Variants in LOC128092252 observed in about 807,000 individuals in gnomAD.
chr15:50,666,618 A>G, the LOC128092252 span, among the ~76,000 whole-genome samples: 1 of 152,182 alleles, frequency 6.6e-6, no homozygotes, highest in African/African-American at 2.4e-5. Context: ...AGCCTGACCA[A>G]CATGGAGAAA....
chr15:50,651,865 C>T, the LOC128092252 span, among the ~76,000 whole-genome samples: 168 of 151,492 alleles, frequency 1.1e-3, 1 homozygote, highest in African/African-American at 3.9e-3. Flanking sequence ...TCCAGCCTGG[C>T]GACGGAGCAA....
chr15:50,680,501 G>A, the LOC128092252 span, among the ~76,000 whole-genome samples: 50 of 151,496 alleles, frequency 3.3e-4, 1 homozygote, highest in South Asian at 2.1e-3. Flanking sequence ...CCCGGGAGGC[G>A]GAGTCTGCAA....
At chr15:50,672,188 G>C in the LOC128092252 span, among the ~76,000 whole-genome samples, 2 of 151,874 alleles carry the variant, frequency 1.3e-5, no homozygotes, top group Non-Finnish European at 2.9e-5. Context: ...TGAGCAGCTG[G>C]GACTACAGGC....
chr15:50,655,039 G>A, the LOC128092252 span, among the ~76,000 whole-genome samples: 3 of 137,572 alleles, frequency 2.2e-5, no homozygotes, highest in African/African-American at 7.9e-5. Context: ...TCACTGGATG[G>A]ACAAAACAGC....
At chr15:50,658,734 A>C in the LOC128092252 span, among the ~76,000 whole-genome samples, 15 of 152,364 alleles carry the variant, frequency 9.8e-5, no homozygotes, top group East Asian at 2.7e-3. Context: ...CTAAAAGCAT[A>C]GGCTAAAACA....
chr15:50,677,055 C>A, the LOC128092252 span, among the ~76,000 whole-genome samples: 6 of 152,160 alleles, frequency 3.9e-5, no homozygotes, highest in Non-Finnish European at 7.4e-5. Flanking sequence ...ATGCCACAAC[C>A]AATACCACAC....
the LOC128092252 span, among the ~76,000 whole-genome samples, chr15:50,659,716 G>A: frequency 1.3e-5 from 2 of 151,024 alleles, no homozygotes; most frequent in Non-Finnish European, 2.9e-5. Flanking sequence ...CACTGAGGCT[G>A]GAGTGCAGTG....
At chr15:50,669,327 C>A in the LOC128092252 span, among the ~76,000 whole-genome samples, 1 of 151,962 alleles carries the variant, frequency 6.6e-6, no homozygotes, top group Non-Finnish European at 1.5e-5. Context: ...TCCAACTACA[C>A]AGGAAGCTGA....
chr15:50,676,714 C>A, the LOC128092252 span, among the ~76,000 whole-genome samples: 1 of 152,148 alleles, frequency 6.6e-6, no homozygotes, highest in South Asian at 2.1e-4. Flanking sequence ...AAAACAGTCC[C>A]CATCCTATGC....
At chr15:50,656,651 TTTTG>T in the LOC128092252 span, among the ~76,000 whole-genome samples, 1 of 152,096 alleles carries the variant, frequency 6.6e-6, no homozygotes, top group African/African-American at 2.4e-5. Context: ...GGTTTTTTGT[TTTTG>T]TTTTTACAGA....
the LOC128092252 span, among the ~76,000 whole-genome samples, chr15:50,656,787 T>C: frequency 1.3e-5 from 2 of 152,146 alleles, no homozygotes; most frequent in African/African-American, 2.4e-5. Flanking sequence ...CCCTAAAGCA[T>C]ATTACAATTT....
chr15:50,659,645 T>C, the LOC128092252 span, among the ~76,000 whole-genome samples: 1 of 151,518 alleles, frequency 6.6e-6, no homozygotes, highest in Non-Finnish European at 1.5e-5. Flanking sequence ...CTATAGAAAA[T>C]AAACTCCTTA....
At chr15:50,656,943 C>T in the LOC128092252 span, among the ~76,000 whole-genome samples, 1 of 152,164 alleles carries the variant, frequency 6.6e-6, no homozygotes, top group Non-Finnish European at 1.5e-5. Flanking sequence ...ACTTCAGGTT[C>T]TCATCTTTTT....
the LOC128092252 span, among the ~76,000 whole-genome samples, chr15:50,650,720 A>C: frequency 2.0e-5 from 3 of 152,058 alleles, no homozygotes; most frequent in Non-Finnish European, 2.9e-5. Context: ...AAACAAAAAA[A>C]TCAGACCTAG....
the LOC128092252 span, among the ~76,000 whole-genome samples, chr15:50,673,988 G>C: frequency 2.6e-5 from 4 of 151,808 alleles, no homozygotes; most frequent in African/African-American, 9.7e-5. Flanking sequence ...TTGCATTCTG[G>C]TTTTCTGTTT....
At chr15:50,669,050 G>A in the LOC128092252 span, among the ~76,000 whole-genome samples, 1 of 152,076 alleles carries the variant, frequency 6.6e-6, no homozygotes, top group African/African-American at 2.4e-5. Flanking sequence ...TTTTTGACAG[G>A]CCCAGGAGCC....
At chr15:50,658,502 C>T in the LOC128092252 span, among the ~76,000 whole-genome samples, 1 of 148,960 alleles carries the variant, frequency 6.7e-6, no homozygotes, top group Non-Finnish European at 1.5e-5. Context: ...CATGGGAGGT[C>T]GAGGCTAAAG....
the LOC128092252 span, among the ~76,000 whole-genome samples, chr15:50,667,666 C>T: frequency 6.6e-6 from 1 of 152,172 alleles, no homozygotes; most frequent in Non-Finnish European, 1.5e-5. Flanking sequence ...AAGACTGTGC[C>T]ACTGCACTCC....
the LOC128092252 span, among the ~76,000 whole-genome samples, chr15:50,685,501 C>T: frequency 6.6e-6 from 1 of 152,200 alleles, no homozygotes; most frequent in African/African-American, 2.4e-5. Context: ...TAGTGAAAGA[C>T]ACATTATTTA....
Sources: gnomAD v4.1 joint callset for allele counts (sites outside exome capture counted in the v4.1 genomes callset) on GRCh38, gnomAD v4.1.1 for gene constraint, MANE v1.5 for transcripts.